Variants in HECW2 observed in about 807,000 individuals in gnomAD.
HECW2 encodes E3 ubiquitin-protein ligase HECW2.
HECW2 carries 61 observed loss-of-function variants against 175.2 expected under a neutral mutation model. The observed-to-expected ratio is 0.35, with a 90% CI of 0.28 to 0.43. The LOEUF (loss-of-function observed/expected upper bound fraction) is 0.43. HECW2 is among the 20% of genes least tolerant of loss of function. The pLI, the probability that HECW2 is intolerant of heterozygous loss-of-function variation, is 1.00. For synonymous variants in HECW2, 671 were observed against 731.0 expected (o/e 0.92, Z 1.32); for missense variants, 1,524 against 2,000.5 (o/e 0.76, Z 4.54).
At chr2:196,589,330 G>A (rs1044126166) in intron 1 of HECW2, among the ~76,000 whole-genome samples, 1 of 152,192 alleles carries the variant, frequency 6.6e-6, no homozygotes, top group Non-Finnish European at 1.5e-5. Flanking sequence ...AACATAGTAA[G>A]TGAGCTGTGT....
intron 1 of HECW2, among the ~76,000 whole-genome samples, chr2:196,547,771 G>A (rs1689473509): frequency 1.3e-5 from 2 of 152,206 alleles, no homozygotes; most frequent in South Asian, 4.1e-4. Flanking sequence ...CCAGTCAGCA[G>A]GAAGGAAGAA....
At chr2:196,440,228 T>C (rs1436197305) in intron 1 of HECW2, among the ~76,000 whole-genome samples, 1 of 152,220 alleles carries the variant, frequency 6.6e-6, no homozygotes, top group East Asian at 1.9e-4. Context: ...TTAATTAAAA[T>C]TGACTATGCC....
intron 13 of HECW2, among the ~76,000 whole-genome samples, chr2:196,302,291 T>G (rs1321473839): frequency 1.3e-5 from 2 of 152,116 alleles, no homozygotes; most frequent in African/African-American, 4.8e-5. Flanking sequence ...GTTACTAGTA[T>G]AGTTGTAAGT....
chr2:196,213,624 T>C (rs7568085), intron 28 of HECW2, among the ~76,000 whole-genome samples: 1 of 152,170 alleles, frequency 6.6e-6, no homozygotes, highest in South Asian at 2.1e-4. Context: ...TGTTTTATAA[T>C]CTGGGTAAAA....
chr2:196,461,543 C>T (rs1296514315), intron 1 of HECW2, among the ~76,000 whole-genome samples: 2 of 152,270 alleles, frequency 1.3e-5, no homozygotes, highest in East Asian at 3.9e-4. Flanking sequence ...TTGTATTAGT[C>T]CATTTTTACA....
intron 3 of HECW2, among the ~76,000 whole-genome samples, chr2:196,339,858 T>G (rs537168813): frequency 6.6e-6 from 1 of 152,036 alleles, no homozygotes; most frequent in Non-Finnish European, 1.5e-5. Context: ...TCCTCTTGAA[T>G]GCCCTGAGGC....
chr2:196,208,664 G>C (rs528287056), intron 28 of HECW2, among the ~76,000 whole-genome samples: 1 of 152,324 alleles, frequency 6.6e-6, no homozygotes, highest in African/African-American at 2.4e-5. Context: ...AAAGAGCCAG[G>C]CATGAAGGAC....
In HECW2 at chr2:196,226,681, A is replaced by G. The variant is rs1476938665; in HGVS notation, c.3918-811T>C. Among the ~76,000 whole-genome samples, 9 of 27,174 alleles carry G rather than the reference A, an allele frequency of 3.3e-4. No individual in the cohort carries two copies. The Admixed American group carries it at 3.9e-3, about 12-fold the overall frequency. 17.8% of individuals were successfully genotyped at this position (27,174 alleles called of 152,430 possible). A position where few individuals can be genotyped will look rare whatever the true frequency, so the allele number is the denominator to read the frequency against. On this transcript the variant is annotated intron_variant, in intron 22 of 28. Transcript: ENST00000644978. Reference sequence around the variant, plus strand: ...TCCCTCCTAGTGTGTATGCATGAATATTAGCAGAATTTCTCAATACAAACT... The same window carrying G: ...TCCCTCCTAGTGTGTATGCATGAATGTTAGCAGAATTTCTCAATACAAACT...
chr2:196,315,600 C>T (rs1016320844), intron 10 of HECW2, among the ~76,000 whole-genome samples: 1 of 152,100 alleles, frequency 6.6e-6, no homozygotes, highest in Non-Finnish European at 1.5e-5. Context: ...CACTAAGTTG[C>T]CTTTACTTTT....
At chr2:196,533,917 C>T (rs937355116) in intron 1 of HECW2, among the ~76,000 whole-genome samples, 1 of 152,124 alleles carries the variant, frequency 6.6e-6, no homozygotes, top group Non-Finnish European at 1.5e-5. Flanking sequence ...AATTTATAAC[C>T]TCATTGCTAT....
intron 1 of HECW2, among the ~76,000 whole-genome samples, chr2:196,452,564 T>TA (rs1696379157): frequency 6.6e-6 from 1 of 152,146 alleles, no homozygotes; most frequent in Admixed American, 6.5e-5. Context: ...TCCACTAATA[T>TA]AAATCTGACC....
intron 1 of HECW2, among the ~76,000 whole-genome samples, chr2:196,462,037 T>C (rs1360272934): frequency 6.6e-6 from 1 of 152,118 alleles, no homozygotes; most frequent in East Asian, 1.9e-4. Flanking sequence ...TCTGTACTCA[T>C]ATATATATGT....
chr2:196,354,461 G>A (rs1473727733), intron 2 of HECW2, among the ~76,000 whole-genome samples: 1 of 152,256 alleles, frequency 6.6e-6, no homozygotes, highest in Non-Finnish European at 1.5e-5. Context: ...ACACTGGAGT[G>A]CAAGCCAACC....
rs757051865 is a variant in HECW2 at position 196,317,324 on chromosome 2, A to T, written c.2384T>A (p.Val795Glu). The T allele has an allele frequency of 6.2e-7, 1 of 1,613,696 alleles. No individual in the cohort carries two copies. Among genetic ancestry groups the T allele is most frequent in the South Asian group, 1.1e-5 (1 of 90,876 alleles). ...CTGGTACCGGCTAACATCCTGGCGC[A>T]CTGAAGGTAGTGATCGCAGTGGCTG... ...GHQPLRSLPS[V>E]RQDVSRYQRV... Residue 795 changes from valine to glutamate, a missense_variant, in exon 10 of 29, where the codon GTG becomes GAG. Physicochemically the swap from Val to Glu is moderately radical, Grantham distance 121. This residue lies in a region of HECW2 where 82 missense variants were observed against 124.4 expected (regional missense o/e 0.66). Transcript: ENST00000644978.
intron 1 of HECW2, among the ~76,000 whole-genome samples, chr2:196,531,764 T>G (rs1235801192): frequency 6.6e-6 from 1 of 152,014 alleles, no homozygotes; most frequent in Non-Finnish European, 1.5e-5. Context: ...CTTTACCACC[T>G]CTTAATGTTA....
intron 1 of HECW2, among the ~76,000 whole-genome samples, chr2:196,519,132 G>A (rs902885714): frequency 6.6e-5 from 10 of 152,178 alleles, no homozygotes; most frequent in Non-Finnish European, 1.0e-4. Flanking sequence ...GCTCTCTGAG[G>A]AGGTATTTAT....
chr2:196,242,521 G>GT (rs778048980), intron 19 of HECW2: 37 of 291,862 alleles, frequency 1.3e-4, no homozygotes, highest in Middle Eastern at 1.1e-3. Context: ...ATGTCTAGTA[G>GT]TAACTGTTAG....
intron 2 of HECW2, among the ~76,000 whole-genome samples, chr2:196,413,588 AC>A (rs1405532899): frequency 6.6e-6 from 1 of 151,896 alleles, no homozygotes; most frequent in Non-Finnish European, 1.5e-5. Flanking sequence ...CAGCTGATAC[AC>A]CCGCCTTGGC....
At chr2:196,529,056 G>A (rs777956172) in intron 1 of HECW2, among the ~76,000 whole-genome samples, 4 of 152,206 alleles carry the variant, frequency 2.6e-5, no homozygotes, top group Non-Finnish European at 5.9e-5. Flanking sequence ...TGAGGCTGAA[G>A]CTTATAACCA....
Sources: allele counts gnomAD v4.1 joint callset (sites outside exome capture counted in the v4.1 genomes callset), GRCh38; gene constraint gnomAD v4.1.1; regional missense constraint gnomAD v4.1.1; transcripts MANE v1.5; gene names NCBI Gene and HGNC (gene_info 2026-07-23, HGNC 2026-07-21).